The following FXR2 variants were observed in gnomAD, a reference collection of about 807,000 sequenced individuals.
FXR2 encodes the protein RNA-binding protein FXR2.
In FXR2, 9 loss-of-function variants were observed where a neutral mutation model predicts 87.3. The ratio of observed to expected loss-of-function variants is 0.10; its 90% CI spans 0.06 to 0.18. The LOEUF (loss-of-function observed/expected upper bound fraction) is 0.18. Ranked by LOEUF, FXR2 falls within the 10% of genes least tolerant of loss-of-function variation. The probability of loss-of-function intolerance (pLI) is 1.00; values close to 1 mark genes in which losing one functional copy is unlikely to be tolerated. For missense variants in FXR2, 661 were observed against 893.6 expected, an observed-to-expected ratio of 0.74 and a Z score of 3.32; for synonymous variants, 331 against 328.3, an observed-to-expected ratio of 1.01 and a Z score of -0.09.
chr17:7,603,098 G>T, intron 5 of FXR2, 96 bp from the exon 6 acceptor site: 1 of 658,400 alleles, frequency 1.5e-6, no homozygotes, highest in Non-Finnish European at 2.7e-6. Flanking sequence ...TGTAATCCTA[G>T]CACTTTGGGA....
rs1182162739 is a variant in FXR2 at position 7,593,316 on chromosome 17, C to G, written c.1330+87G>C. ...CAATCACTTTTTCATCATCTCCATT[C>G]CAGATTTCCCCAAACTTCCATCCAG... On this transcript the variant is annotated intron_variant, in intron 12 of 16. Coordinates refer to ENST00000250113, the MANE Select transcript of FXR2 (RefSeq NM_004860.4). The surrounding 1 kb of genome is among the most constrained non-coding windows in gnomAD (Gnocchi z 6.1). The G allele has an allele frequency of 1.6e-6, 2 of 1,241,824 alleles. No individual in the cohort carries two copies. Among genetic ancestry groups the G allele is most frequent in the East Asian group, 5.1e-5 (2 of 39,258 alleles). 76.9% of individuals were successfully genotyped at this position (1,241,824 alleles called of 1,614,324 possible).
chr17:7,603,396 G>A (rs1489458564), intron 5 of FXR2, among the ~76,000 whole-genome samples: 2 of 151,494 alleles, frequency 1.3e-5, no homozygotes, highest in East Asian at 3.9e-4. Context: ...GTGTGGTGGT[G>A]CATGCCTGTA....
At chr17:7,610,006 A>G (rs574925622) in intron 1 of FXR2, among the ~76,000 whole-genome samples, 4,328 of 95,664 alleles carry the variant, frequency 0.045, 428 homozygotes, top group African/African-American at 0.16. Context: ...ATATGTATAC[A>G]TATATATATA....
At chr17:7,611,976 C>T (rs912738879) in intron 1 of FXR2, among the ~76,000 whole-genome samples, 9 of 152,172 alleles carry the variant, frequency 5.9e-5, no homozygotes, top group Non-Finnish European at 1.3e-4. Flanking sequence ...CAGCTCAACC[C>T]CAAACTCTAC....
intron 1 of FXR2, 120 bp from the exon 2 acceptor site, chr17:7,606,269 G>T: frequency 3.0e-6 from 2 of 656,088 alleles, no homozygotes; most frequent in Non-Finnish European, 5.3e-6. Context: ...GGACACAAGT[G>T]GTGTAATGAG....
At chr17:7,614,047 C>A (rs1342373998) in intron 1 of FXR2, 1 of 466,226 alleles carries the variant, frequency 2.1e-6, no homozygotes. Flanking sequence ...CCCAAAGGGA[C>A]CGTGTGGAAG....
At chr17:7,603,628 G>A (rs1413430266) in intron 5 of FXR2, 129 bp downstream of exon 5, 1 of 732,462 alleles carries the variant, frequency 1.4e-6, no homozygotes, top group Non-Finnish European at 2.3e-6. Context: ...TTCTTAGCAA[G>A]AAGGGCTCTA....
At position 7,593,031 on chromosome 17, in the gene FXR2, G is replaced by A. The variant is rs780612621; in HGVS notation, c.1481C>T (p.Pro494Leu). The change falls in exon 13 of 17, where the codon CCT (proline) becomes CTT (leucine). Residue 494 changes from proline to leucine, a missense_variant. This residue lies in a region of FXR2 where 409 missense variants were observed against 432.0 expected (regional missense o/e 0.95). Transcript: ENST00000250113. This position sits in a 1 kb window ranked among gnomAD's most constrained non-coding sequence, Gnocchi z 6.1. ...GTATCTCGAAGTGGGCCGGGGGGCAGGTGGGGGTCCCCTACCCCGGCCCCC... is the reference window on the plus strand; with the variant it reads ...GTATCTCGAAGTGGGCCGGGGGGCAAGTGGGGGTCCCCTACCCCGGCCCCC... ...PTGGRGRGPP[P>L]APRPTSRYNS... is the part of the protein sequence containing the mutation. The A allele has an allele frequency of 1.9e-5, 30 of 1,577,952 alleles. No individual in the cohort carries two copies. The Admixed American group carries it at 2.5e-4, about 13-fold the overall frequency.
In FXR2 at chr17:7,593,456, C is replaced by G. The variant is rs1451730378; in HGVS notation, c.1277G>C (p.Gly426Ala). 1.9e-6 allele frequency: 3 copies of G among 1,590,194 alleles called. No individual in the cohort carries two copies. Among genetic ancestry groups the G allele is most frequent in the Admixed American group, 3.6e-5 (2 of 56,312 alleles). ...SSSLHATRTY[G>A]GSYGGRGRGR... ...ACGGCCACGGCCCCCATAGCTGCCC[C>G]CATAGGTTCGAGTCGCATGGAGGGA... The change falls in exon 12 of 17, where the codon GGG becomes GCG. Residue 426 changes from glycine (G) to alanine (A), a missense_variant. Gly to Ala is a moderately conservative substitution (Grantham distance 60, BLOSUM62 0). Coordinates refer to ENST00000250113, the MANE Select transcript of FXR2 (RefSeq NM_004860.4). The surrounding 1 kb of genome is among the most constrained non-coding windows in gnomAD (Gnocchi z 6.1).
At chr17:7,611,085 T>C (rs765047151) in intron 1 of FXR2, among the ~76,000 whole-genome samples, 44 of 152,220 alleles carry the variant, frequency 2.9e-4, no homozygotes, top group African/African-American at 8.9e-4. Context: ...CAGATGAGGT[T>C]TGGAGTAGGA....
rs772081746 is a variant in FXR2, at chr17:7,591,878, C to T, written c.1974G>A (p.Glu658=). 1 of 1,606,662 alleles carries T rather than the reference C, an allele frequency of 6.2e-7. No homozygotes were observed. Among genetic ancestry groups the T allele is most frequent in the Admixed American group, 1.7e-5 (1 of 60,010 alleles). The change falls in exon 17 of 17, where the codon GAG becomes GAA. Residue 658 remains glutamate, a synonymous_variant. Transcript: ENST00000250113. The surrounding 1 kb of genome is among the most constrained non-coding windows in gnomAD (Gnocchi z 4.0). ...TACCCAACTCCAAGGGGGCGGAGAGCTCCCCATTCTCCGAGGGGCCCTTAG... is the reference window on the plus strand; with the variant it reads ...TACCCAACTCCAAGGGGGCGGAGAGTTCCCCATTCTCCGAGGGGCCCTTAG... ...KLPKGPSENG[E]LSAPLELGSM... is the part of the protein sequence containing the mutation.
chr17:7,598,982 C>T (rs1013827653), intron 7 of FXR2, among the ~76,000 whole-genome samples: 1 of 152,078 alleles, frequency 6.6e-6, no homozygotes, highest in African/African-American at 2.4e-5. Context: ...ACTAAAAAAG[C>T]AAAAATTATC....
chr17:7,603,087 C>T (rs2071772539), intron 5 of FXR2, 85 bp from the exon 6 acceptor site: 6 of 701,352 alleles, frequency 8.6e-6, no homozygotes, highest in South Asian at 8.3e-5. Context: ...TGGTTTGCAC[C>T]TGTAATCCTA....
At chr17:7,596,318 T>C (rs776282766) in intron 7 of FXR2, 41 of 181,698 alleles carry the variant, frequency 2.3e-4, no homozygotes, top group Non-Finnish European at 4.5e-4. Context: ...CCACCATGCC[T>C]GGCTAATTTC....
At chr17:7,604,914 G>A (rs1359055437) in intron 3 of FXR2, among the ~76,000 whole-genome samples, 2 of 151,336 alleles carry the variant, frequency 1.3e-5, no homozygotes, top group African/African-American at 4.8e-5. Flanking sequence ...GTAGAGATGG[G>A]GTTTCATCAT....
intron 7 of FXR2, among the ~76,000 whole-genome samples, chr17:7,597,336 A>G (rs981093044): frequency 3.3e-5 from 5 of 152,176 alleles, no homozygotes; most frequent in African/African-American, 1.2e-4. Context: ...ACTGAATTAT[A>G]CCAAGGATTT....
At position 7,614,764 on chromosome 17, in the gene FXR2, G is replaced by T; in HGVS notation, c.-232C>A. The T allele has an allele frequency of 4.3e-6, 1 of 232,092 alleles. No homozygotes were observed. Among genetic ancestry groups the T allele is most frequent in the Non-Finnish European group, 8.2e-6 (1 of 122,418 alleles). The allele number at this position is 232,092 out of a possible 1,614,324, so 14.4% of individuals were successfully genotyped here. A position where few individuals can be genotyped will look rare whatever the true frequency, so the allele number is the denominator to read the frequency against. The stretch of plus-strand genomic sequence containing the variant: ...TGGTCTCCGCCACCGTGAGGGAAAC[G>T]GCCGCCGCCGCCGCTGCCTTCGTCA... On this transcript the variant is annotated 5_prime_UTR_variant, in exon 1 of 17. Transcript: ENST00000250113.
At chr17:7,605,858 A>T in intron 2 of FXR2, 120 bp from the exon 3 acceptor site, 2 of 703,030 alleles carry the variant, frequency 2.8e-6, no homozygotes, top group Non-Finnish European at 5.1e-6. Flanking sequence ...TAGAGGCTAA[A>T]CCCCAGGCCC....
intron 6 of FXR2, chr17:7,602,627 G>C (rs2071767775): frequency 3.6e-6 from 1 of 275,824 alleles, no homozygotes; most frequent in African/African-American, 2.2e-5. Context: ...TACTCAGGAG[G>C]CTGAGGCAGG....
Sources: gnomAD v4.1 joint callset for allele counts (sites outside exome capture counted in the v4.1 genomes callset) on GRCh38, gnomAD v4.1.1 for gene constraint, gnomAD v4.1.1 regional missense constraint, Gnocchi (gnomAD v3.1) non-coding constraint, MANE v1.5 for transcripts, NCBI Gene and HGNC (gene_info 2026-07-23, HGNC 2026-07-21) for gene names.